The following KLF12 variants were observed in gnomAD, a reference collection of about 807,000 sequenced individuals.
The protein encoded by KLF12 is Krueppel-like factor 12.
A neutral mutation model predicts 37.8 loss-of-function variants in KLF12; 9 were observed. The observed-to-expected ratio is 0.24, with a 90% confidence interval of 0.14 to 0.42. The LOEUF is 0.42. KLF12 is among the 10% of genes least tolerant of loss of function. The pLI, the probability that KLF12 is intolerant of heterozygous loss-of-function variation, is 1.00. For missense variants in KLF12, 411 were observed against 516.0 expected, an observed-to-expected ratio of 0.80 and a Z score of 1.97; for synonymous variants, 208 against 202.1, an observed-to-expected ratio of 1.03 and a Z score of -0.25.
At chr13:74,002,633 G>A (rs2138317611) in intron 1 of KLF12, among the ~76,000 whole-genome samples, 1 of 152,270 alleles carries the variant, frequency 6.6e-6, no homozygotes, top group Middle Eastern at 3.4e-3. Flanking sequence ...CTCCCAAAGT[G>A]CTGGGATTAC....
the KLF12 span, among the ~76,000 whole-genome samples, chr13:74,176,129 T>G: frequency 6.6e-6 from 1 of 152,186 alleles, no homozygotes; most frequent in Non-Finnish European, 1.5e-5. Context: ...ACAATTTCCC[T>G]TAGCCATTTC....
the KLF12 span, among the ~76,000 whole-genome samples, chr13:74,303,697 A>G: frequency 6.6e-6 from 1 of 152,140 alleles, no homozygotes; most frequent in Non-Finnish European, 1.5e-5. Context: ...CCAGTAACTT[A>G]TTCTCTGCGT....
chr13:73,860,519 G>A (rs537078119), intron 3 of KLF12, among the ~76,000 whole-genome samples: 14 of 152,208 alleles, frequency 9.2e-5, no homozygotes, highest in Admixed American at 1.3e-4. Context: ...AGGGTTGCTC[G>A]AGCTCAGGAG....
At chr13:74,097,714 T>TTG (rs58698640) in intron 1 of KLF12, among the ~76,000 whole-genome samples, 21,786 of 147,240 alleles carry the variant, frequency 0.15, 1,699 homozygotes, top group Non-Finnish European at 0.19. Flanking sequence ...ATATATGTAT[T>TTG]TGTGTGTGTG....
chr13:74,130,742 C>G (rs948977645), intron 1 of KLF12, among the ~76,000 whole-genome samples: 6 of 152,064 alleles, frequency 3.9e-5, no homozygotes, highest in African/African-American at 1.4e-4. Flanking sequence ...GTTCATTAAT[C>G]AGCATGCAAG....
intron 1 of KLF12, among the ~76,000 whole-genome samples, chr13:74,121,224 C>T (rs1367418311): frequency 1.3e-5 from 2 of 152,038 alleles, no homozygotes; most frequent in African/African-American, 2.4e-5. Flanking sequence ...TTCCCAATAA[C>T]TGACAGAATA....
chr13:73,963,645 G>A (rs1166695349), intron 2 of KLF12, among the ~76,000 whole-genome samples: 2 of 152,112 alleles, frequency 1.3e-5, no homozygotes, highest in African/African-American at 4.8e-5. Flanking sequence ...ATATGGAAAA[G>A]TTTCGTATAT....
chr13:74,006,432 C>G (rs1023408310), intron 1 of KLF12, among the ~76,000 whole-genome samples: 2 of 152,158 alleles, frequency 1.3e-5, no homozygotes, highest in Non-Finnish European at 2.9e-5. Flanking sequence ...AGGTAACTCC[C>G]AAAGGAACAC....
At chr13:73,913,438 T>C (rs1888667984) in intron 3 of KLF12, among the ~76,000 whole-genome samples, 1 of 152,192 alleles carries the variant, frequency 6.6e-6, no homozygotes, top group African/African-American at 2.4e-5. Flanking sequence ...TAAATCACAG[T>C]GCACATTTCA....
intron 3 of KLF12, among the ~76,000 whole-genome samples, chr13:73,916,940 T>A (rs544858406): frequency 6.6e-6 from 1 of 152,306 alleles, no homozygotes; most frequent in African/African-American, 2.4e-5. Context: ...AAAAACATAT[T>A]CAAAGCAGTA....
chr13:74,026,157 G>GA lies in KLF12; in HGVS notation c.-31-31105dup, dbSNP rs5804710. ...GAAAAAATTAACTCAAGATTTTGAA[G>GA]AAAAAAAAAAAAAACCTTTACCTTG... is the stretch of plus-strand genomic sequence containing the variant. On this transcript the variant is annotated intron_variant, in intron 1 of 7. Coordinates refer to ENST00000377669, the MANE Select transcript of KLF12 (RefSeq NM_007249.5). Among the ~76,000 whole-genome samples the GA allele has an allele frequency of 1.8e-3, 253 of 140,266 alleles. 1 individual carries two copies. Among genetic ancestry groups the GA allele is most frequent in the African/African-American group, 5.1e-3 (192 of 37,852 alleles). 92.0% of individuals were successfully genotyped at this position (140,266 alleles called of 152,430 possible). A position where few individuals can be genotyped will look rare whatever the true frequency, so the allele number is the denominator to read the frequency against.
At chr13:73,802,728 T>G (rs2138353909) in intron 5 of KLF12, among the ~76,000 whole-genome samples, 1 of 152,310 alleles carries the variant, frequency 6.6e-6, no homozygotes, top group East Asian at 1.9e-4. Flanking sequence ...GTATTTGGTT[T>G]TCTGTTCCTG....
intron 5 of KLF12, among the ~76,000 whole-genome samples, chr13:73,779,685 G>A (rs1020887673): frequency 8.5e-5 from 13 of 152,366 alleles, no homozygotes; most frequent in African/African-American, 3.1e-4. Context: ...AGACAAAAGT[G>A]TGGGTAGCTT....
intron 1 of KLF12, among the ~76,000 whole-genome samples, chr13:74,130,796 T>C (rs1233571396): frequency 1.3e-5 from 2 of 152,232 alleles, no homozygotes; most frequent in Admixed American, 6.5e-5. Context: ...TCAAATGAGT[T>C]TGTGCCATTA....
At chr13:74,247,649 T>C in the KLF12 span, among the ~76,000 whole-genome samples, 2 of 152,170 alleles carry the variant, frequency 1.3e-5, no homozygotes, top group African/African-American at 4.8e-5. Flanking sequence ...TTATTATTTT[T>C]TTGTAGAGGC....
At chr13:73,969,349 T>A (rs1891264182) in intron 2 of KLF12, among the ~76,000 whole-genome samples, 2 of 152,178 alleles carry the variant, frequency 1.3e-5, no homozygotes, top group African/African-American at 4.8e-5. Context: ...CCCCTACCAT[T>A]TATCCCACAT....
the KLF12 span, among the ~76,000 whole-genome samples, chr13:74,170,292 T>C: frequency 7.2e-5 from 11 of 152,356 alleles, no homozygotes; most frequent in South Asian, 1.7e-3. Context: ...TCCGGAAATA[T>C]ATTTAATTAA....
chr13:74,274,698 T>A, the KLF12 span, among the ~76,000 whole-genome samples: 1 of 151,954 alleles, frequency 6.6e-6, no homozygotes, highest in African/African-American at 2.4e-5. Flanking sequence ...TTTTTTTTTA[T>A]AATTGAAGTT....
In KLF12 at chr13:73,690,332, T is replaced by C. The variant is rs1390109837; in HGVS notation, c.*5158A>G. 6.6e-6 allele frequency: 1 copy of C among 152,586 alleles called. No individual in the cohort carries two copies. The highest frequency in any genetic ancestry group is 1.5e-5 in the Non-Finnish European group (1 of 68,040). 9.5% of individuals were successfully genotyped at this position (152,586 alleles called of 1,614,324 possible). A position where few individuals can be genotyped will look rare whatever the true frequency, so the allele number is the denominator to read the frequency against. ...TAACACGTGGCCATATCCACAGCAC[T>C]TAATCTTGTCAACATGTAGTTATAC... On this transcript the variant is annotated 3_prime_UTR_variant, in exon 8 of 8. Coordinates refer to ENST00000377669, the MANE Select transcript of KLF12 (RefSeq NM_007249.5).
Sources: allele counts gnomAD v4.1 joint callset (sites outside exome capture counted in the v4.1 genomes callset), GRCh38; gene constraint gnomAD v4.1.1; transcripts MANE v1.5; gene names NCBI Gene and HGNC (gene_info 2026-07-23, HGNC 2026-07-21).